RARS2: variants seen among roughly 807,000 people sequenced by gnomAD.
The protein encoded by RARS2 is probable arginine--tRNA ligase, mitochondrial.
In RARS2, 67 loss-of-function variants were observed where a neutral mutation model predicts 88.5. The observed-to-expected ratio is 0.76, with a 90% CI of 0.62 to 0.93. The LOEUF is 0.93. Ranked by LOEUF, RARS2 falls within the 40% of genes least tolerant of loss-of-function variation. The pLI, the probability that RARS2 is intolerant of heterozygous loss-of-function variation, is 0.00. For missense variants in RARS2, 664 were observed against 684.2 expected (o/e 0.97, Z 0.33); for synonymous variants, 239 against 230.3 (o/e 1.04, Z -0.34).
At chr6:87,565,186 T>C (rs1767491220) in intron 2 of RARS2, among the ~76,000 whole-genome samples, 1 of 152,174 alleles carries the variant, frequency 6.6e-6, no homozygotes, top group Non-Finnish European at 1.5e-5. Flanking sequence ...CCAGGTCTCT[T>C]TACCTCTTCT....
At chr6:87,518,481 T>A in intron 16 of RARS2, 149 bp downstream of exon 16, 2 of 1,341,254 alleles carry the variant, frequency 1.5e-6, no homozygotes, top group Non-Finnish European at 2.0e-6. Context: ...ATAAATTTTT[T>A]TTTTTTCCTA....
intron 1 of RARS2, among the ~76,000 whole-genome samples, chr6:87,586,135 A>G (rs1775078019): frequency 6.6e-6 from 1 of 152,236 alleles, no homozygotes; most frequent in Admixed American, 6.5e-5. Context: ...GAGGGCAAGA[A>G]TGGAAACAAA....
rs181654859 is a variant in RARS2, at chr6:87,530,409, C to T, written c.771+375G>A. Among the ~76,000 whole-genome samples, 24 of 152,276 alleles carry T rather than the reference C, an allele frequency of 1.6e-4. No individual in the cohort carries two copies. In the East Asian group the frequency reaches 4.2e-3, roughly 27 times the overall value. ...TCTCTAGGCTAGAATATAAGGTCTG[C>T]GAGAACAAGGGTTTTCCTCTTCTAT... On this transcript the variant is annotated intron_variant, in intron 9 of 19. Coordinates refer to ENST00000369536, the MANE Select transcript of RARS2 (RefSeq NM_020320.5).
At chr6:87,522,198 C>T (rs1011568572) in intron 11 of RARS2, among the ~76,000 whole-genome samples, 4 of 152,128 alleles carry the variant, frequency 2.6e-5, no homozygotes, top group East Asian at 1.9e-4. Context: ...GGCGTGGTGG[C>T]GCACGCCTGT....
chr6:87,540,757 G>GC (rs1780678064), intron 8 of RARS2, among the ~76,000 whole-genome samples: 1 of 152,130 alleles, frequency 6.6e-6, no homozygotes, highest in Admixed American at 6.5e-5. Flanking sequence ...GTTTGGACAG[G>GC]AAGGGCTTTA....
At chr6:87,516,759 G>A in intron 18 of RARS2, 47 bp downstream of exon 18, 3 of 1,605,890 alleles carry the variant, frequency 1.9e-6, no homozygotes, top group Non-Finnish European at 2.6e-6. Context: ...ATGAAAGAAA[G>A]GTCTCAAATG....
At chr6:87,583,568 A>G (rs1209313463) in intron 1 of RARS2, among the ~76,000 whole-genome samples, 2 of 149,622 alleles carry the variant, frequency 1.3e-5, no homozygotes, top group Non-Finnish European at 3.0e-5. Flanking sequence ...CAGCCTGGGC[A>G]ACAAGAACAA....
Position 87,548,626 on chromosome 6 carries a change from T to C in RARS2, c.416A>G (p.Lys139Arg). The part of the protein sequence containing the change: ...VEFSSPNVAK[K>R]FHVGHLRSTI... ...AGAACGCAAATGTCCAACATGAAAT[T>C]TTTTGGCAACATTAGGTGAACTGCA... The change falls in exon 6 of 20, where the codon AAA (lysine) becomes AGA (arginine). Residue 139 changes from lysine to arginine, a missense_variant. Coordinates refer to ENST00000369536, the MANE Select transcript of RARS2 (RefSeq NM_020320.5). 6.2e-7 allele frequency: 1 copy of C among 1,613,170 alleles called. No homozygotes were observed. The highest frequency in any genetic ancestry group is 1.1e-5 in the South Asian group (1 of 91,012).
intron 10 of RARS2, among the ~76,000 whole-genome samples, chr6:87,527,738 C>T (rs1039495506): frequency 6.6e-6 from 1 of 151,988 alleles, no homozygotes. Context: ...CAAACCAACA[C>T]CACCACTACC....
At chr6:87,579,801 A>G (rs1304848338) in intron 1 of RARS2, among the ~76,000 whole-genome samples, 2 of 124,634 alleles carry the variant, frequency 1.6e-5, no homozygotes, top group Non-Finnish European at 3.1e-5. Context: ...ATCTCTGCCC[A>G]CTGCAAACTC....
intron 1 of RARS2, among the ~76,000 whole-genome samples, chr6:87,575,304 G>A (rs1771139393): frequency 6.7e-6 from 1 of 149,376 alleles, no homozygotes. Flanking sequence ...AGCAGGGCCT[G>A]AGAAAAAGAC....
chr6:87,560,469 T>C (rs527511269), intron 4 of RARS2, among the ~76,000 whole-genome samples: 162 of 152,286 alleles, frequency 1.1e-3, no homozygotes, highest in African/African-American at 3.6e-3. Context: ...TACTGACAGG[T>C]AGAAGTTTGG....
At chr6:87,580,932 C>G (rs1773293335) in intron 1 of RARS2, among the ~76,000 whole-genome samples, 1 of 152,074 alleles carries the variant, frequency 6.6e-6, no homozygotes, top group Admixed American at 6.6e-5. Flanking sequence ...AAGCACAATT[C>G]TAAACTTTAG....
At chr6:87,577,877 T>A (rs1318823448) in intron 1 of RARS2, among the ~76,000 whole-genome samples, 1 of 152,238 alleles carries the variant, frequency 6.6e-6, no homozygotes, top group Non-Finnish European at 1.5e-5. Flanking sequence ...TTTTTCACAA[T>A]TTCTTTTCTT....
intron 4 of RARS2, among the ~76,000 whole-genome samples, chr6:87,555,734 T>C (rs905383443): frequency 2.0e-5 from 3 of 152,196 alleles, no homozygotes; most frequent in African/African-American, 7.2e-5. Context: ...TTATACTCCA[T>C]GTCTATTCAT....
intron 4 of RARS2, among the ~76,000 whole-genome samples, chr6:87,558,491 T>TCA (rs1786714352): frequency 6.6e-6 from 1 of 152,208 alleles, no homozygotes; most frequent in Non-Finnish European, 1.5e-5. Context: ...CCCTCATCTG[T>TCA]CAGCTATACC....
At chr6:87,554,621 T>C (rs992116493) in intron 5 of RARS2, among the ~76,000 whole-genome samples, 1 of 152,114 alleles carries the variant, frequency 6.6e-6, no homozygotes, top group African/African-American at 2.4e-5. Context: ...CATGCACAAC[T>C]AATTTTTCTA....
At chr6:87,572,893 C>A (rs1285267504) in intron 1 of RARS2, among the ~76,000 whole-genome samples, 2 of 152,108 alleles carry the variant, frequency 1.3e-5, no homozygotes, top group Admixed American at 6.5e-5. Context: ...ATCTACACAG[C>A]ATGTTTTACA....
At chr6:87,550,704 T>C (rs1465491259) in intron 5 of RARS2, among the ~76,000 whole-genome samples, 2 of 140,944 alleles carry the variant, frequency 1.4e-5, no homozygotes, top group Non-Finnish European at 3.0e-5. Flanking sequence ...ATGAAGCCGA[T>C]TTAAGAAAAA....
Sources: gnomAD v4.1 joint callset for allele counts (sites outside exome capture counted in the v4.1 genomes callset) on GRCh38, gnomAD v4.1.1 for gene constraint, MANE v1.5 for transcripts, NCBI Gene and HGNC (gene_info 2026-07-23, HGNC 2026-07-21) for gene names.